The following CBX5 variants were observed in gnomAD, a reference collection of about 807,000 sequenced individuals.
The protein encoded by CBX5 is chromobox protein homolog 5.
Under a neutral mutation model 20.7 loss-of-function variants are expected in CBX5, and 7 were observed. The observed-to-expected ratio is 0.34, with a 90% CI of 0.19 to 0.63. The LOEUF (loss-of-function observed/expected upper bound fraction) is 0.63. Among genes scored for constraint, CBX5 ranks in the 30% least tolerant of loss-of-function variants. The probability of loss-of-function intolerance (pLI) is 0.75; values close to 1 mark genes in which losing one functional copy is unlikely to be tolerated. For missense variants in CBX5, 110 were observed against 224.1 expected (o/e 0.49, Z 3.25); for synonymous variants, 78 against 77.0 (o/e 1.01, Z -0.07).
chr12:54,274,826 G>C (rs1175675565), intron 1 of CBX5, among the ~76,000 whole-genome samples: 1 of 152,128 alleles, frequency 6.6e-6, no homozygotes, highest in East Asian at 1.9e-4. Context: ...TGTAGTCCCA[G>C]CTACTCGGGA....
intron 3 of CBX5, among the ~76,000 whole-genome samples, chr12:54,250,946 A>G (rs1209527576): frequency 6.6e-6 from 1 of 151,720 alleles, no homozygotes; most frequent in Non-Finnish European, 1.5e-5. Flanking sequence ...CCCGGCCAAC[A>G]TGGTGAAACC....
chr12:54,247,700 G>A (rs921565667), intron 3 of CBX5, among the ~76,000 whole-genome samples: 7 of 151,796 alleles, frequency 4.6e-5, no homozygotes, highest in African/African-American at 1.7e-4. Flanking sequence ...TTTTTAGACA[G>A]TCTCCCTCTG....
intron 1 of CBX5, among the ~76,000 whole-genome samples, chr12:54,269,044 C>A (rs1363736392): frequency 2.0e-5 from 3 of 152,154 alleles, no homozygotes; most frequent in Non-Finnish European, 4.4e-5. Flanking sequence ...GGGCGCATCA[C>A]GAGGTCAGGA....
chr12:54,256,400 A>G (rs1436320466), intron 2 of CBX5, among the ~76,000 whole-genome samples: 2 of 152,226 alleles, frequency 1.3e-5, no homozygotes, highest in Non-Finnish European at 1.5e-5. Context: ...GATCCCACCT[A>G]CAACGCCAAT....
chr12:54,241,750 C>T lies in CBX5; in HGVS notation c.*5G>A, dbSNP rs1943678889. ...AAAGAGAAATGACAGAGACCATCCC[C>T]TCCTTTAGCTCTTTGCTGTTTCTTT... On this transcript the variant is annotated 3_prime_UTR_variant, in exon 5 of 5. Transcript: ENST00000209875. 6.2e-7 allele frequency: 1 copy of T among 1,608,072 alleles called. No individual in the cohort carries two copies. Among genetic ancestry groups the T allele is most frequent in the Non-Finnish European group, 8.5e-7 (1 of 1,178,506 alleles).
intron 1 of CBX5, chr12:54,279,208 A>G (rs1944102409): frequency 6.6e-6 from 1 of 152,150 alleles, no homozygotes; most frequent in South Asian, 2.1e-4. Flanking sequence ...ACGCCTTTCC[A>G]TGACAGTACA....
At chr12:54,256,944 A>G (rs1592159638) in intron 2 of CBX5, among the ~76,000 whole-genome samples, 1 of 151,910 alleles carries the variant, frequency 6.6e-6, no homozygotes, top group African/African-American at 2.4e-5. Context: ...GCTCACTGCA[A>G]CCTCCGCCTC....
At position 54,238,116 on chromosome 12, in the gene CBX5, G is replaced by A. The variant is rs1943641843; in HGVS notation, c.*3639C>T. 6.6e-6 allele frequency: 1 copy of A among 152,284 alleles called. No homozygotes were observed. Among genetic ancestry groups the A allele is most frequent in the Non-Finnish European group, 1.5e-5 (1 of 68,114 alleles). The allele number at this position is 152,284 out of a possible 1,614,324, so 9.4% of individuals were successfully genotyped here. A position where few individuals can be genotyped will look rare whatever the true frequency, so the allele number is the denominator to read the frequency against. ...GAGGCAGGAGAATCGCTTGAACCCA[G>A]GAGGTGGAGGGTACAGTAAGCCAAG... On this transcript the variant is annotated 3_prime_UTR_variant, in exon 5 of 5. Transcript: ENST00000209875.
intron 2 of CBX5, 47 bp from the exon 3 acceptor site, chr12:54,252,274 G>C: frequency 7.1e-7 from 1 of 1,405,874 alleles, no homozygotes; most frequent in Non-Finnish European, 9.6e-7. Context: ...GGGGGGTAAA[G>C]AATGAGGAAA....
intron 3 of CBX5, among the ~76,000 whole-genome samples, chr12:54,248,850 A>G (rs1292686573): frequency 6.6e-6 from 1 of 152,178 alleles, no homozygotes; most frequent in Non-Finnish European, 1.5e-5. Flanking sequence ...AATAAACACA[A>G]TCCCCTCCTA....
At chr12:54,260,329 A>G (rs983811139) in intron 1 of CBX5, among the ~76,000 whole-genome samples, 2 of 151,984 alleles carry the variant, frequency 1.3e-5, no homozygotes, top group Admixed American at 6.6e-5. Flanking sequence ...CGTCTCTACT[A>G]AAAATACAAA....
chr12:54,245,998 C>T, intron 4 of CBX5, 117 bp downstream of exon 4: 2 of 746,930 alleles, frequency 2.7e-6, no homozygotes, highest in Admixed American at 2.0e-5. Flanking sequence ...AAAGAAAGAT[C>T]TCTGACATTC....
intron 1 of CBX5, chr12:54,276,537 T>G (rs1216877340): frequency 1.3e-5 from 2 of 152,198 alleles, no homozygotes; most frequent in Non-Finnish European, 2.9e-5. Flanking sequence ...TGAAAAATCT[T>G]AAGTCGAAAT....
rs946959158 is a variant in CBX5 at position 54,237,592 on chromosome 12, G to A, written c.*4163C>T. On this transcript the variant is annotated 3_prime_UTR_variant, in exon 5 of 5. Coordinates refer to ENST00000209875, the MANE Select transcript of CBX5 (RefSeq NM_012117.3). ...CTAATGACTGCTTCTCAGTAATTCA[G>A]GAAAAATTTAGAAATATAGCATTGT... The A allele has an allele frequency of 3.9e-5, 6 of 152,754 alleles. No individual in the cohort carries two copies. The East Asian group carries it at 1.2e-3, about 29-fold the overall frequency. The allele number at this position is 152,754 out of a possible 1,614,324, so 9.5% of individuals were successfully genotyped here.
intron 3 of CBX5, among the ~76,000 whole-genome samples, chr12:54,249,489 T>C (rs1943771737): frequency 6.6e-6 from 1 of 151,682 alleles, no homozygotes; most frequent in South Asian, 2.1e-4. Context: ...TGAGAACTAA[T>C]GCTCTAGAAA....
chr12:54,256,908 G>C (rs762187914), intron 2 of CBX5, among the ~76,000 whole-genome samples: 10 of 152,078 alleles, frequency 6.6e-5, no homozygotes, highest in Non-Finnish European at 1.3e-4. Context: ...CAGTCACCCA[G>C]GCTGGAGTGC....
chr12:54,272,944 C>G (rs1310783624), intron 1 of CBX5: 1 of 152,172 alleles, frequency 6.6e-6, no homozygotes, highest in Admixed American at 6.6e-5. Context: ...AGAGGCAGGA[C>G]AAGAACCCAG....
intron 1 of CBX5, chr12:54,262,967 T>TGAAA (rs1424838640): frequency 6.6e-6 from 1 of 152,280 alleles, no homozygotes; most frequent in African/African-American, 2.4e-5. Flanking sequence ...TCTGGAGTCT[T>TGAAA]TCAGGCATAA....
intron 2 of CBX5, among the ~76,000 whole-genome samples, chr12:54,254,443 C>G (rs1002617491): frequency 6.6e-6 from 1 of 151,070 alleles, no homozygotes; most frequent in African/African-American, 2.4e-5. Flanking sequence ...GAGCTATTTA[C>G]TCTTGACCTA....
Sources: gnomAD v4.1 joint callset for allele counts (sites outside exome capture counted in the v4.1 genomes callset) on GRCh38, gnomAD v4.1.1 for gene constraint, MANE v1.5 for transcripts, NCBI Gene and HGNC (gene_info 2026-07-23, HGNC 2026-07-21) for gene names.